The following CHM variants were observed in gnomAD, a reference collection of about 807,000 sequenced individuals.
The protein encoded by CHM is rab proteins geranylgeranyltransferase component A 1.
A neutral mutation model predicts 49.0 loss-of-function variants in CHM; 10 were observed. The ratio of observed to expected loss-of-function variants is 0.20; its 90% confidence interval spans 0.13 to 0.35. The LOEUF is 0.35. CHM is among the 10% of genes least tolerant of loss of function. The pLI, the probability that CHM is intolerant of heterozygous loss-of-function variation, is 1.00. For synonymous variants in CHM, 184 were observed against 167.5 expected, an observed-to-expected ratio of 1.10 and a Z score of -0.76; for missense variants, 455 against 478.4, an observed-to-expected ratio of 0.95 and a Z score of 0.46.
intron 4 of CHM, among the ~76,000 whole-genome samples, chrX:85,973,166 G>C (rs1431183956): frequency 9.4e-6 from 1 of 106,503 alleles, no homozygotes; most frequent in Non-Finnish European, 1.9e-5. Flanking sequence ...GCGCATGGTG[G>C]CACGTGCCTG....
intron 2 of CHM, among the ~76,000 whole-genome samples, chrX:86,022,702 T>C (rs776569843): frequency 8.1e-5 from 9 of 111,294 alleles, no homozygotes; most frequent in Admixed American, 2.9e-4. Flanking sequence ...TCTCCAGCTC[T>C]AGATCTTCCA....
intron 8 of CHM, among the ~76,000 whole-genome samples, chrX:85,913,915 G>T (rs1927285830): frequency 9.0e-6 from 1 of 111,061 alleles, no homozygotes; most frequent in Non-Finnish European, 1.9e-5. Context: ...GGCACTGAGA[G>T]TGGATATACG....
At chrX:85,904,897 T>A (rs755220916) in intron 9 of CHM, among the ~76,000 whole-genome samples, 12 of 111,836 alleles carry the variant, frequency 1.1e-4, no homozygotes, top group Non-Finnish European at 1.9e-4. Flanking sequence ...TCCCTTTTAA[T>A]AAATACTTAA....
intron 8 of CHM, among the ~76,000 whole-genome samples, chrX:85,925,559 C>G (rs926937659): frequency 9.0e-6 from 1 of 111,266 alleles, no homozygotes. Context: ...TAGCCTACAG[C>G]AATCCTACTT....
In CHM at chrX:85,864,663, T is replaced by G. The variant is rs747278560; in HGVS notation, c.1929A>C (p.Thr643=). 130 of 1,208,528 alleles carry G rather than the reference T, an allele frequency of 1.1e-4. No homozygotes were observed. The highest frequency in any genetic ancestry group is 1.4e-4 in the Non-Finnish European group (126 of 894,600). ...AGGACTCCTCTAGGTTTCCAAGGTT[T>G]GTGCTTTCCTTGAAAGTCTCCGAGT... ...EANSETFKES[T]NLGNLEESSE The change falls in exon 15 of 15, where the codon ACA becomes ACC. Residue 643 remains threonine (T), a synonymous_variant. Coordinates refer to ENST00000357749, the MANE Select transcript of CHM (RefSeq NM_000390.4).
Position 85,978,807 on chromosome X carries a change from C to T in CHM, c.274G>A (p.Asp92Asn), listed in dbSNP as rs1931433054. 8.3e-7 allele frequency: 1 copy of T among 1,206,951 alleles called. No homozygotes were observed. Among genetic ancestry groups the T allele is most frequent in the Non-Finnish European group, 1.1e-6 (1 of 891,930 alleles). ...ACTTCCACATGTTGAATAGTTTTGT[C>T]CTTCCTGCTAAGAGCAATGGCTTCT... ...NEEAIALSRK[D>N]KTIQHVEVFC... The change falls in exon 4 of 15, where the codon GAC becomes AAC. Residue 92 changes from aspartate to asparagine, a missense_variant. Asp to Asn is a conservative substitution (Grantham distance 23, BLOSUM62 1). Transcript: ENST00000357749.
chrX:86,005,060 T>C (rs1287522178), intron 2 of CHM, among the ~76,000 whole-genome samples: 1 of 112,176 alleles, frequency 8.9e-6, no homozygotes. Flanking sequence ...CACAACAAAC[T>C]GTCTCTCAGA....
At chrX:85,923,997 A>C (rs1430333337) in intron 8 of CHM, among the ~76,000 whole-genome samples, 1 of 111,844 alleles carries the variant, frequency 8.9e-6, no homozygotes, top group South Asian at 3.8e-4. Context: ...AGGGAGGAAT[A>C]CAGTAGGAAA....
Position 85,913,350 on chromosome X carries a change from A to AAGAAAGAAAGAG in CHM, c.1167-2013_1167-2012insCTCTTTCTTTCT. On this transcript the variant is annotated intron_variant, in intron 8 of 14. Transcript: ENST00000357749. ...AAAAAAAAAAAGAAAGAAAGAAAGAAAGAAAGAAAGAAAGAAAGAAAGAAA... is the reference window on the plus strand; with the variant it reads ...AAAAAAAAAAAGAAAGAAAGAAAGAAAGAAAGAAAGAGAGAAAGAAAGAAAGAAAGAAAGAAA... Among the ~76,000 whole-genome samples, 2 of 81,757 alleles carry AAGAAAGAAAGAG rather than the reference A, an allele frequency of 2.4e-5. 1 individual carries two copies. The highest frequency in any genetic ancestry group is 5.4e-5 in the Non-Finnish European group (2 of 37,265). The allele number at this position is 81,757 out of a possible 115,157, so 71.0% of individuals were successfully genotyped here. A position where few individuals can be genotyped will look rare whatever the true frequency, so the allele number is the denominator to read the frequency against.
At position 86,026,102 on chromosome X, in the gene CHM, CTTTTTTTTTTTTTTTTTTT is replaced by C. The variant is rs1167691945; in HGVS notation, c.116+1370_116+1388del. On this transcript the variant is annotated intron_variant, in intron 2 of 14. Coordinates refer to ENST00000357749, the MANE Select transcript of CHM (RefSeq NM_000390.4). Reference sequence around the variant, plus strand: ...CTGGGCTTTCAAGGTAGCAGATTTTCTTTTTTTTTTTTTTTTTTTTTTTTTTTTTTTTTTTTTGAGACTG... The same window carrying C: ...CTGGGCTTTCAAGGTAGCAGATTTTCTTTTTTTTTTTTTTTTTTGAGACTG... Among the ~76,000 whole-genome samples, 74 of 26,762 alleles carry C rather than the reference CTTTTTTTTTTTTTTTTTTT, an allele frequency of 2.8e-3. 1 individual carries two copies. Among genetic ancestry groups the C allele is most frequent in the East Asian group, 7.1e-3 (4 of 561 alleles). The allele number at this position is 26,762 out of a possible 115,157, so 23.2% of individuals were successfully genotyped here.
chrX:85,919,291 A>G (rs1211989164), intron 8 of CHM, among the ~76,000 whole-genome samples: 1 of 112,079 alleles, frequency 8.9e-6, no homozygotes, highest in Non-Finnish European at 1.9e-5. Flanking sequence ...GCCACAGGCT[A>G]TTACATTATC....
intron 8 of CHM, among the ~76,000 whole-genome samples, chrX:85,933,698 C>T (rs1191590077): frequency 9.0e-6 from 1 of 111,364 alleles, no homozygotes; most frequent in East Asian, 2.8e-4. Flanking sequence ...CTGTGGGGAT[C>T]GAGAAGGAAT....
chrX:86,014,644 A>C (rs889288724), intron 2 of CHM, among the ~76,000 whole-genome samples: 2 of 112,659 alleles, frequency 1.8e-5, no homozygotes, highest in African/African-American at 6.5e-5. Context: ...AAAGTGGCCA[A>C]GAAAAATCCT....
intron 2 of CHM, among the ~76,000 whole-genome samples, chrX:85,985,135 T>C (rs1931836326): frequency 8.9e-6 from 1 of 112,301 alleles, no homozygotes; most frequent in South Asian, 3.7e-4. Flanking sequence ...GGGAGCCGCA[T>C]TGCACACCTC....
At chrX:85,931,594 T>C (rs1172624004) in intron 8 of CHM, among the ~76,000 whole-genome samples, 4 of 111,463 alleles carry the variant, frequency 3.6e-5, no homozygotes, top group Non-Finnish European at 7.5e-5. Flanking sequence ...GATTTACGGA[T>C]CTACTATGAA....
intron 8 of CHM, among the ~76,000 whole-genome samples, chrX:85,943,341 GCTAA>G (rs1929230138): frequency 8.9e-6 from 1 of 111,939 alleles, no homozygotes; most frequent in African/African-American, 3.2e-5. Flanking sequence ...ATGAAAAAAT[GCTAA>G]CTATTCTAAC....
chrX:85,933,320 T>C (rs529168015), intron 8 of CHM, among the ~76,000 whole-genome samples: 4 of 112,422 alleles, frequency 3.6e-5, no homozygotes, highest in African/African-American at 1.3e-4. Flanking sequence ...GCTCATATAG[T>C]GCTGATCATG....
intron 12 of CHM, among the ~76,000 whole-genome samples, chrX:85,891,412 C>A (rs1603240852): frequency 9.0e-6 from 1 of 111,695 alleles, no homozygotes; most frequent in Admixed American, 9.4e-5. Context: ...GCCAGTCCCC[C>A]CATATTGTGT....
At chrX:85,898,136 C>G (rs1184260772) in intron 11 of CHM, among the ~76,000 whole-genome samples, 1 of 110,863 alleles carries the variant, frequency 9.0e-6, no homozygotes, top group Non-Finnish European at 1.9e-5. Flanking sequence ...TATTGCCCAG[C>G]AATTTGACCA....
Sources: allele counts gnomAD v4.1 joint callset (sites outside exome capture counted in the v4.1 genomes callset), GRCh38; gene constraint gnomAD v4.1.1; transcripts MANE v1.5; gene names NCBI Gene and HGNC (gene_info 2026-07-23, HGNC 2026-07-21).